Variants in NRG1 observed in about 807,000 individuals in gnomAD.
NRG1 encodes the protein neuregulin 1.
Under a neutral mutation model 63.8 loss-of-function variants are expected in NRG1, and 18 were observed. That is an observed-to-expected ratio of 0.28 (90% CI 0.19 to 0.42). NRG1 has a LOEUF of 0.42. Ranked by LOEUF, NRG1 falls within the 10% of genes least tolerant of loss-of-function variation. The probability of loss-of-function intolerance (pLI) is 1.00; values close to 1 mark genes in which losing one functional copy is unlikely to be tolerated. For synonymous variants in NRG1, 302 were observed against 301.3 expected (o/e 1.00, Z -0.02); for missense variants, 762 against 814.7 (o/e 0.94, Z 0.79).
intron 1 of NRG1, among the ~76,000 whole-genome samples, chr8:32,562,182 G>C (rs1363181702): frequency 6.6e-6 from 1 of 152,010 alleles, no homozygotes; most frequent in African/African-American, 2.4e-5. Flanking sequence ...GGCTAGAAAG[G>C]GACTGAAGAG....
intron 1 of NRG1, among the ~76,000 whole-genome samples, chr8:31,822,822 G>A (rs1361602672): frequency 6.6e-6 from 1 of 152,146 alleles, no homozygotes; most frequent in African/African-American, 2.4e-5. Flanking sequence ...AAATAACAAT[G>A]GCATGAGAAA....
At chr8:32,066,895 G>A (rs1290525463) in intron 1 of NRG1, among the ~76,000 whole-genome samples, 2 of 151,442 alleles carry the variant, frequency 1.3e-5, no homozygotes, top group Non-Finnish European at 2.9e-5. Flanking sequence ...CCTTGAAGAG[G>A]TCCTTCACAT....
intron 1 of NRG1, among the ~76,000 whole-genome samples, chr8:32,496,351 G>A (rs1278592898): frequency 6.6e-6 from 1 of 152,146 alleles, no homozygotes; most frequent in Non-Finnish European, 1.5e-5. Context: ...GGTGGCTCAC[G>A]CAGGAACATT....
At chr8:32,772,105 T>A (rs1831867454), downstream of NRG1, among the ~76,000 whole-genome samples, 5 of 144,088 alleles carry the variant, frequency 3.5e-5, no homozygotes, top group Non-Finnish European at 4.5e-5. Flanking sequence ...CCACCAAAAG[T>A]CTGCAGAGTG....
intron 3 of NRG1, among the ~76,000 whole-genome samples, chr8:32,610,714 A>G (rs1846228673): frequency 6.6e-6 from 1 of 152,148 alleles, no homozygotes; most frequent in Non-Finnish European, 1.5e-5. Flanking sequence ...TTTATTCAGA[A>G]TTAGAGAAAG....
rs562791712 is a variant in NRG1, at chr8:32,613,462, C to A, written c.401-1052C>A. On this transcript the variant is annotated intron_variant, in intron 3 of 11. Transcript: ENST00000356819. ...TGCTAGACTAGTCCAATCTTGGAAA[C>A]CCTAAATGGCCATATCTGTATTTAA... Among the ~76,000 whole-genome samples the A allele has an allele frequency of 4.6e-5, 7 of 152,024 alleles. No individual in the cohort carries two copies. In the East Asian group the frequency reaches 1.4e-3, roughly 29 times the overall value.
At chr8:32,411,371 T>C (rs1814920829) in intron 1 of NRG1, among the ~76,000 whole-genome samples, 1 of 152,108 alleles carries the variant, frequency 6.6e-6, no homozygotes, top group Non-Finnish European at 1.5e-5. Context: ...CTTTATAAAG[T>C]AGGAAAAGAA....
chr8:32,065,651 T>C (rs144247849), intron 1 of NRG1, among the ~76,000 whole-genome samples: 1 of 152,224 alleles, frequency 6.6e-6, no homozygotes, highest in East Asian at 1.9e-4. Context: ...AACATACCTG[T>C]GCATGGGTCT....
intron 1 of NRG1, among the ~76,000 whole-genome samples, chr8:32,212,452 C>T (rs1407062646): frequency 6.6e-6 from 1 of 152,056 alleles, no homozygotes; most frequent in Admixed American, 6.6e-5. Context: ...CCACTGAAAA[C>T]ATGGCTAGAA....
intron 5 of NRG1, among the ~76,000 whole-genome samples, chr8:32,631,323 C>T (rs1166587369): frequency 6.6e-6 from 1 of 152,180 alleles, no homozygotes; most frequent in Non-Finnish European, 1.5e-5. Flanking sequence ...AAGGCTCCTT[C>T]CAACCCCCAA....
At chr8:32,719,721 T>G (rs900497277) in intron 5 of NRG1, among the ~76,000 whole-genome samples, 3 of 152,076 alleles carry the variant, frequency 2.0e-5, no homozygotes, top group African/African-American at 4.8e-5. Flanking sequence ...TTTCACTCTT[T>G]GTTTGATTCT....
exon 12 of NRG1, chr8:32,764,361 C>G (rs1206424145): frequency 2.5e-6 from 4 of 1,611,086 alleles, no homozygotes; most frequent in Non-Finnish European, 3.4e-6. Context: ...CCAGGCCAGG[C>G]TGTCTAGTGT....
chr8:32,028,711 T>C (rs1817829420), intron 1 of NRG1, among the ~76,000 whole-genome samples: 1 of 152,216 alleles, frequency 6.6e-6, no homozygotes, highest in Non-Finnish European at 1.5e-5. Flanking sequence ...TTTCATTCAC[T>C]AACTTTCAAA....
chr8:32,078,443 G>C (rs1004676846), intron 1 of NRG1, among the ~76,000 whole-genome samples: 1 of 152,106 alleles, frequency 6.6e-6, no homozygotes, highest in Non-Finnish European at 1.5e-5. Context: ...TTTTCTTTAT[G>C]AATTATTCAG....
At chr8:32,520,434 C>T (rs1246184218) in intron 1 of NRG1, among the ~76,000 whole-genome samples, 1 of 151,924 alleles carries the variant, frequency 6.6e-6, no homozygotes, top group Non-Finnish European at 1.5e-5. Flanking sequence ...GCTGGGATTA[C>T]AGGCATGAGC....
intron 1 of NRG1, among the ~76,000 whole-genome samples, chr8:31,712,282 T>G (rs1463450049): frequency 1.1e-5 from 1 of 93,352 alleles, no homozygotes; most frequent in African/African-American, 3.8e-5. Flanking sequence ...TTTTTTTTTT[T>G]TTTGATGGAG....
intron 1 of NRG1, among the ~76,000 whole-genome samples, chr8:31,828,358 T>C (rs1824778382): frequency 6.6e-6 from 1 of 152,198 alleles, no homozygotes; most frequent in Non-Finnish European, 1.5e-5. Flanking sequence ...TGATGAGAAT[T>C]GACTGAGCTG....
intron 1 of NRG1, among the ~76,000 whole-genome samples, chr8:32,112,795 TG>T (rs1259071129): frequency 6.6e-6 from 1 of 152,062 alleles, no homozygotes; most frequent in Admixed American, 6.6e-5. Context: ...TAGTACTGCT[TG>T]GGGGATGAAA....
intron 1 of NRG1, among the ~76,000 whole-genome samples, chr8:31,999,747 T>C (rs1812619463): frequency 6.6e-6 from 1 of 151,960 alleles, no homozygotes. Context: ...GATCTTATAA[T>C]CATGTAAAGA....
Sources: gnomAD v4.1 joint callset for allele counts (sites outside exome capture counted in the v4.1 genomes callset) on GRCh38, gnomAD v4.1.1 for gene constraint, MANE v1.5 for transcripts, NCBI Gene and HGNC (gene_info 2026-07-23, HGNC 2026-07-21) for gene names.